The following PPP1R42 variants were observed in gnomAD, a reference collection of about 807,000 sequenced individuals.
PPP1R42 encodes the protein protein phosphatase 1 regulatory subunit 42, also known as leucine rich repeat containing 67.
Under a neutral mutation model 31.0 loss-of-function variants are expected in PPP1R42, and 34 were observed. The observed-to-expected ratio is 1.10, with a 90% CI of 0.83 to 1.46. PPP1R42 has a LOEUF of 1.46. Ranked by LOEUF, PPP1R42 falls within the 40% of genes most tolerant of loss-of-function variation. The pLI is 0.00. For missense variants in PPP1R42, 268 were observed against 303.0 expected (o/e 0.88, Z 0.86); for synonymous variants, 103 against 109.8 (o/e 0.94, Z 0.39).
chr8:67,018,080 G>C (rs1246970378), intron 1 of PPP1R42, among the ~76,000 whole-genome samples: 1 of 151,322 alleles, frequency 6.6e-6, no homozygotes, highest in African/African-American at 2.4e-5. Flanking sequence ...TTTTCTTCCT[G>C]AGTAGTATTT....
intron 6 of PPP1R42, chr8:66,985,479 T>C (rs1355119631): frequency 1.0e-6 from 1 of 1,001,530 alleles, no homozygotes; most frequent in Non-Finnish European, 1.6e-6. Flanking sequence ...TAGGTTTAAT[T>C]TGGTCTTTTA....
chr8:66,982,487 C>A (rs1373800519), intron 6 of PPP1R42, among the ~76,000 whole-genome samples: 1 of 151,854 alleles, frequency 6.6e-6, no homozygotes, highest in Non-Finnish European at 1.5e-5. Context: ...GACAAGTTCT[C>A]GCTCTGTCAT....
At chr8:66,995,085 T>A (rs1204884453) in intron 5 of PPP1R42, among the ~76,000 whole-genome samples, 1 of 152,192 alleles carries the variant, frequency 6.6e-6, no homozygotes, top group East Asian at 1.9e-4. Context: ...ATATATGGCA[T>A]GAGAGATTTT....
At chr8:66,996,006 C>T (rs775209175) in intron 5 of PPP1R42, among the ~76,000 whole-genome samples, 1 of 152,136 alleles carries the variant, frequency 6.6e-6, no homozygotes, top group Admixed American at 6.6e-5. Context: ...CCCACTATGT[C>T]AGTAGAGTTA....
At chr8:67,010,931 C>T (rs1042000264) in intron 4 of PPP1R42, 100 bp from the exon 5 acceptor site, 40 of 1,144,706 alleles carry the variant, frequency 3.5e-5, no homozygotes, top group Non-Finnish European at 4.3e-5. Flanking sequence ...TTGATCAGTT[C>T]AGGTTGTTTT....
intron 7 of PPP1R42, among the ~76,000 whole-genome samples, chr8:66,973,020 C>T (rs985890198): frequency 6.6e-6 from 1 of 152,212 alleles, no homozygotes; most frequent in Non-Finnish European, 1.5e-5. Flanking sequence ...TAATGATCTT[C>T]TGCCTCACAG....
Position 66,982,182 on chromosome 8 carries a change from TG to T in PPP1R42, c.671-3del. ...TAATTTCTTTTCCATCAAGAAATTCTGGAGAAAAATACATACATTTAAAAAA... is the reference window on the plus strand; with the variant it reads ...TAATTTCTTTTCCATCAAGAAATTCTGAGAAAAATACATACATTTAAAAAA... On this transcript the variant is annotated splice_region_variant and splice_polypyrimidine_tract_variant and intron_variant, in intron 6 of 7. Coordinates refer to ENST00000685739, the MANE Select transcript of PPP1R42 (RefSeq NM_001364910.1). 1 of 1,364,606 alleles carries T rather than the reference TG, an allele frequency of 7.3e-7. No homozygotes were observed. 84.5% of individuals were successfully genotyped at this position (1,364,606 alleles called of 1,614,324 possible).
chr8:67,023,971 C>G (rs1186151324), intron 1 of PPP1R42, among the ~76,000 whole-genome samples: 1 of 151,726 alleles, frequency 6.6e-6, no homozygotes, highest in East Asian at 1.9e-4. Flanking sequence ...GGTGAAAACC[C>G]GTCTCTACTA....
chr8:66,970,836 T>C (rs1563412213), intron 7 of PPP1R42: 1 of 716,316 alleles, frequency 1.4e-6, no homozygotes, highest in East Asian at 2.9e-5. Context: ...ACTTTTTTTT[T>C]CTTTCTTTCT....
chr8:66,981,495 T>A (rs1015342361), intron 7 of PPP1R42, among the ~76,000 whole-genome samples: 3 of 151,776 alleles, frequency 2.0e-5, no homozygotes, highest in Non-Finnish European at 4.4e-5. Context: ...TTCTCCTGCC[T>A]CAGCCTCCCA....
chr8:66,972,655 C>G (rs113572621), intron 7 of PPP1R42, among the ~76,000 whole-genome samples: 18,730 of 152,000 alleles, frequency 0.12, 2,263 homozygotes, highest in African/African-American at 0.31. Context: ...CTCCCAAAGT[C>G]CTGGGATTAC....
intron 6 of PPP1R42, chr8:66,986,129 C>T: frequency 1.5e-6 from 1 of 674,158 alleles, no homozygotes; most frequent in Non-Finnish European, 2.8e-6. Context: ...TTCAATGCTG[C>T]TGTGACCACT....
chr8:67,011,357 C>T (rs1263563242), intron 4 of PPP1R42, among the ~76,000 whole-genome samples: 4 of 152,176 alleles, frequency 2.6e-5, no homozygotes, highest in Non-Finnish European at 4.4e-5. Context: ...GAAACCCCAT[C>T]TCTACTAAAA....
At chr8:67,007,186 A>T (rs1358479176) in intron 5 of PPP1R42, among the ~76,000 whole-genome samples, 3 of 151,916 alleles carry the variant, frequency 2.0e-5, no homozygotes, top group African/African-American at 7.3e-5. Context: ...CCGAGGGTAG[A>T]GACTTTGTCT....
chr8:66,981,071 A>C (rs1273924613), intron 7 of PPP1R42, among the ~76,000 whole-genome samples: 3 of 151,934 alleles, frequency 2.0e-5, no homozygotes, highest in Non-Finnish European at 4.4e-5. Flanking sequence ...TGAACTCCTG[A>C]CCTCATGTGA....
chr8:67,022,229 TG>T (rs1816243285), intron 1 of PPP1R42, among the ~76,000 whole-genome samples: 1 of 152,208 alleles, frequency 6.6e-6, no homozygotes, highest in Admixed American at 6.5e-5. Flanking sequence ...ATCTCACTAC[TG>T]TGTTTTAATT....
intron 5 of PPP1R42, among the ~76,000 whole-genome samples, chr8:66,996,206 T>C (rs1225036778): frequency 6.6e-6 from 1 of 152,112 alleles, no homozygotes; most frequent in East Asian, 1.9e-4. Context: ...TGTGCCACCA[T>C]GCCTGTCTAG....
At chr8:66,979,277 C>T (rs913810627) in intron 7 of PPP1R42, among the ~76,000 whole-genome samples, 1 of 152,236 alleles carries the variant, frequency 6.6e-6, no homozygotes, top group South Asian at 2.1e-4. Flanking sequence ...TATGGATATC[C>T]AGTTTTCCCA....
chr8:66,971,271 A>C (rs895737164), intron 7 of PPP1R42: 6 of 574,890 alleles, frequency 1.0e-5, no homozygotes, highest in Non-Finnish European at 1.3e-5. Flanking sequence ...ACTAGTAATA[A>C]AATTAATAAC....
Sources: gnomAD v4.1 joint callset for allele counts (sites outside exome capture counted in the v4.1 genomes callset) on GRCh38, gnomAD v4.1.1 for gene constraint, MANE v1.5 for transcripts, NCBI Gene and HGNC (gene_info 2026-07-23, HGNC 2026-07-21) for gene names.